The following SNTG1 variants were observed in gnomAD, a reference collection of about 807,000 sequenced individuals.
SNTG1 encodes the protein gamma-1-syntrophin.
SNTG1 carries 39 observed loss-of-function variants against 74.7 expected under a neutral mutation model. That is an observed-to-expected ratio of 0.52 (90% CI 0.40 to 0.68). SNTG1 has a LOEUF of 0.68. Among genes scored for constraint, SNTG1 ranks in the 30% least tolerant of loss-of-function variants. The probability of loss-of-function intolerance (pLI) is 0.00; values close to 1 mark genes in which losing one functional copy is unlikely to be tolerated. For missense variants in SNTG1, 685 were observed against 609.5 expected (o/e 1.12, Z -1.30); for synonymous variants, 254 against 217.1 (o/e 1.17, Z -1.49).
At chr8:50,620,331 T>C (rs58763374) in intron 13 of SNTG1, among the ~76,000 whole-genome samples, 6,554 of 152,276 alleles carry the variant, frequency 0.043, 247 homozygotes, top group African/African-American at 0.095. Flanking sequence ...TCTTCTGCTT[T>C]CCTCTCCCGC....
intron 15 of SNTG1, 122 bp from the exon 16 acceptor site, chr8:50,704,478 G>C (rs2095436640): frequency 8.3e-7 from 1 of 1,208,030 alleles, no homozygotes; most frequent in Middle Eastern, 2.7e-4. Context: ...ATGAAGACTT[G>C]GTGAATTCGC....
At chr8:50,590,615 G>A (rs1410723464) in intron 12 of SNTG1, among the ~76,000 whole-genome samples, 1 of 151,932 alleles carries the variant, frequency 6.6e-6, no homozygotes, top group Non-Finnish European at 1.5e-5. Flanking sequence ...TTGAACACAG[G>A]CTTTTGGTTT....
intron 2 of SNTG1, among the ~76,000 whole-genome samples, chr8:50,393,206 T>G (rs2092685481): frequency 6.6e-6 from 1 of 152,172 alleles, no homozygotes; most frequent in South Asian, 2.1e-4. Flanking sequence ...TGATGATGGC[T>G]AATCTCTTTC....
At chr8:50,538,399 AT>A (rs1319901360) in intron 11 of SNTG1, among the ~76,000 whole-genome samples, 1 of 152,108 alleles carries the variant, frequency 6.6e-6, no homozygotes, top group African/African-American at 2.4e-5. Flanking sequence ...TTTCTGCTTA[AT>A]TTTTTTAGAC....
chr8:50,449,186 C>T (rs1008644318), intron 5 of SNTG1, among the ~76,000 whole-genome samples: 1 of 152,150 alleles, frequency 6.6e-6, no homozygotes, highest in Non-Finnish European at 1.5e-5. Context: ...ATGAATCCCT[C>T]ATTTTTCATG....
intron 2 of SNTG1, among the ~76,000 whole-genome samples, chr8:50,275,303 AG>A (rs1468878942): frequency 5.3e-5 from 8 of 152,192 alleles, no homozygotes; most frequent in African/African-American, 1.9e-4. Context: ...TTATATAGTT[AG>A]ATTACCTACA....
chr8:49,980,174 A>G (rs1698600608), intron 1 of SNTG1, among the ~76,000 whole-genome samples: 1 of 152,160 alleles, frequency 6.6e-6, no homozygotes, highest in Non-Finnish European at 1.5e-5. Context: ...CCTCGTTCCC[A>G]GTTCTCCTCC....
chr8:50,074,728 G>A (rs203937), intron 1 of SNTG1, among the ~76,000 whole-genome samples: 94,312 of 152,010 alleles, frequency 0.62, 29,618 homozygotes, highest in East Asian at 0.84. Context: ...CACTCTCAGT[G>A]CCTCCTTGGC....
chr8:50,256,180 T>TTGCTATATA (rs1453153452), intron 2 of SNTG1, among the ~76,000 whole-genome samples: 2 of 136,946 alleles, frequency 1.5e-5, no homozygotes, highest in East Asian at 4.8e-4. Context: ...CATTCCCATT[T>TTGCTATATA]TGCTATATAT....
rs147337282 is a variant in SNTG1, at chr8:50,288,544, C to T, written c.-27-105668C>T. Among the ~76,000 whole-genome samples, 518 of 152,270 alleles carry T rather than the reference C, an allele frequency of 3.4e-3. 7 individuals carry two copies. The highest frequency in any genetic ancestry group is 0.022 in the Admixed American group (340 of 15,288). ...TTTAAATTTACTGACAAACCCAGCA[C>T]TCTACTCTTGCCGACATTAGATGAA... On this transcript the variant is annotated intron_variant, in intron 2 of 18. Coordinates refer to ENST00000642720, the MANE Select transcript of SNTG1 (RefSeq NM_018967.5).
chr8:50,093,507 C>A (rs1308707392), intron 1 of SNTG1, among the ~76,000 whole-genome samples: 2 of 151,992 alleles, frequency 1.3e-5, no homozygotes, highest in African/African-American at 4.8e-5. Flanking sequence ...TTCTGTGAAG[C>A]CAAGTGAAAT....
At chr8:50,351,123 G>A (rs1275623816) in intron 2 of SNTG1, among the ~76,000 whole-genome samples, 3 of 152,204 alleles carry the variant, frequency 2.0e-5, no homozygotes, top group African/African-American at 7.2e-5. Context: ...GTGTTGGCAG[G>A]TATTGGTGAT....
At chr8:50,412,191 A>G (rs2092958066) in intron 4 of SNTG1, among the ~76,000 whole-genome samples, 1 of 152,150 alleles carries the variant, frequency 6.6e-6, no homozygotes, top group Non-Finnish European at 1.5e-5. Flanking sequence ...TGTTAAATCC[A>G]CTTGTTATTG....
intron 3 of SNTG1, among the ~76,000 whole-genome samples, chr8:50,395,758 G>A (rs1469522611): frequency 1.3e-5 from 2 of 152,004 alleles, no homozygotes; most frequent in African/African-American, 2.4e-5. Context: ...TGATCCACCC[G>A]ACTCGGCCTC....
At chr8:50,190,343 G>T (rs1364791190) in intron 2 of SNTG1, among the ~76,000 whole-genome samples, 1 of 152,096 alleles carries the variant, frequency 6.6e-6, no homozygotes, top group Admixed American at 6.6e-5. Context: ...AGAACAAAAG[G>T]TGGTAATATT....
At chr8:50,403,216 T>C (rs902164827) in intron 4 of SNTG1, among the ~76,000 whole-genome samples, 6 of 152,232 alleles carry the variant, frequency 3.9e-5, no homozygotes, top group Admixed American at 6.5e-5. Flanking sequence ...TTGTACCTTA[T>C]TAACAGACTT....
At chr8:50,780,544 G>A (rs1316219970) in intron 18 of SNTG1, among the ~76,000 whole-genome samples, 2 of 152,200 alleles carry the variant, frequency 1.3e-5, no homozygotes, top group South Asian at 2.1e-4. Flanking sequence ...GGGATTGGTG[G>A]TGATATCCCC....
intron 17 of SNTG1, among the ~76,000 whole-genome samples, chr8:50,728,845 T>G (rs981982115): frequency 2.7e-4 from 41 of 152,186 alleles, no homozygotes; most frequent in Non-Finnish European, 4.7e-4. Flanking sequence ...ATCTTTCACC[T>G]CTGTCCATGA....
At chr8:49,992,290 A>G (rs1430646347) in intron 1 of SNTG1, among the ~76,000 whole-genome samples, 1 of 152,210 alleles carries the variant, frequency 6.6e-6, no homozygotes, top group Non-Finnish European at 1.5e-5. Flanking sequence ...AAAAAGTAAG[A>G]GAGTTGTGAA....
Sources: gnomAD v4.1 joint callset for allele counts (sites outside exome capture counted in the v4.1 genomes callset) on GRCh38, gnomAD v4.1.1 for gene constraint, MANE v1.5 for transcripts, NCBI Gene and HGNC (gene_info 2026-07-23, HGNC 2026-07-21) for gene names.